CELF2: variants seen among roughly 807,000 people sequenced by gnomAD.
The protein encoded by CELF2 is CUG triplet repeat RNA-binding protein 2.
Under a neutral mutation model 62.6 loss-of-function variants are expected in CELF2, and 8 were observed. The ratio of observed to expected loss-of-function variants is 0.13; its 90% CI spans 0.07 to 0.23. The LOEUF (loss-of-function observed/expected upper bound fraction) is 0.23. Ranked by LOEUF, CELF2 falls within the 10% of genes least tolerant of loss-of-function variation. The pLI is 1.00. For synonymous variants in CELF2, 258 were observed against 250.0 expected (o/e 1.03, Z -0.30); for missense variants, 333 against 671.0 (o/e 0.50, Z 5.56).
At chr10:10,693,471 C>T in the CELF2 span, among the ~76,000 whole-genome samples, 29 of 151,042 alleles carry the variant, frequency 1.9e-4, no homozygotes, top group African/African-American at 6.3e-4. Context: ...CTAAAATTCT[C>T]TTTTTTTGGC....
At position 11,132,145 on chromosome 10, in the gene CELF2, C is replaced by T. The variant is rs549689778; in HGVS notation, c.75-33341C>T. 1.4e-4 allele frequency among the ~76,000 whole-genome samples: 21 copies of T among 152,288 alleles called. 2 individuals are homozygous for T. In the South Asian group the frequency reaches 3.7e-3, roughly 27 times the overall value. ...AGGTCCCTTACTTCCTTCCCTTATG[C>T]GTTGTTTGTAACAATTTTGCTGCCA... On this transcript the variant is annotated intron_variant, in intron 1 of 12. Transcript: ENST00000633077.
chr10:10,890,396 T>G (rs1238693497), intron 1 of CELF2, among the ~76,000 whole-genome samples: 7 of 152,152 alleles, frequency 4.6e-5, no homozygotes, highest in East Asian at 1.9e-4. Flanking sequence ...CTAGACCACC[T>G]TACAAAATGT....
chr10:10,569,125 T>C, the CELF2 span, among the ~76,000 whole-genome samples: 1 of 152,158 alleles, frequency 6.6e-6, no homozygotes, highest in Admixed American at 6.6e-5. Flanking sequence ...CAGGCATTGA[T>C]GACTGAGAAT....
chr10:11,101,671 C>G (rs927295111), intron 1 of CELF2, among the ~76,000 whole-genome samples: 30 of 152,344 alleles, frequency 2.0e-4, no homozygotes, highest in African/African-American at 7.2e-4. Context: ...AGGATCCACC[C>G]TTAATAACTG....
intron 8 of CELF2, among the ~76,000 whole-genome samples, chr10:11,281,580 A>C (rs1358113770): frequency 6.6e-6 from 1 of 152,172 alleles, no homozygotes; most frequent in African/African-American, 2.4e-5. Flanking sequence ...TGAGCAACAC[A>C]GCAAAACCCC....
chr10:10,583,518 G>A, the CELF2 span, among the ~76,000 whole-genome samples: 1 of 152,288 alleles, frequency 6.6e-6, no homozygotes, highest in East Asian at 1.9e-4. Flanking sequence ...TCTAGGGTTA[G>A]CCTGAAGTTG....
intron 1 of CELF2, among the ~76,000 whole-genome samples, chr10:10,802,074 G>C (rs746386533): frequency 2.0e-5 from 3 of 152,136 alleles, no homozygotes; most frequent in Non-Finnish European, 2.9e-5. Context: ...TCCTCGGAAA[G>C]TACAAACACT....
At chr10:10,913,891 A>AAGGAAGGAAGAAGGG (rs2064075846) in intron 1 of CELF2, among the ~76,000 whole-genome samples, 1 of 102,770 alleles carries the variant, frequency 9.7e-6, no homozygotes, top group South Asian at 4.0e-4. Context: ...AGGAAGAAGG[A>AAGGAAGGAAGAAGGG]AGGGAGGGAG....
intron 1 of CELF2, among the ~76,000 whole-genome samples, chr10:10,883,402 T>G (rs1384065896): frequency 1.3e-5 from 2 of 152,146 alleles, no homozygotes; most frequent in Non-Finnish European, 2.9e-5. Flanking sequence ...ATAAGGAAAA[T>G]AATGTTTTAT....
intron 1 of CELF2, among the ~76,000 whole-genome samples, chr10:11,139,289 A>G (rs890150835): frequency 3.3e-5 from 5 of 152,258 alleles, no homozygotes; most frequent in Non-Finnish European, 7.3e-5. Flanking sequence ...TACATAGTGC[A>G]TGAATCATCA....
chr10:10,870,629 G>A (rs927328051), intron 1 of CELF2, among the ~76,000 whole-genome samples: 1 of 152,160 alleles, frequency 6.6e-6, no homozygotes, highest in Non-Finnish European at 1.5e-5. Flanking sequence ...GACCAAAAAT[G>A]GGAAGCAGAA....
rs146310899 is a variant in CELF2, at chr10:11,102,255, AG to A, written c.75-63229del. On this transcript the variant is annotated intron_variant, in intron 1 of 12. Transcript: ENST00000633077. ...CTTCCTTCCAGTCCATGGCAAAAAT[AG>A]GACTTCAGTGGATTTCAAGATACTT... is the stretch of plus-strand genomic sequence containing the variant. 1.6e-3 allele frequency: 244 copies of A among 152,368 alleles called. 1 individual carries two copies. The highest frequency in any genetic ancestry group is 5.4e-3 in the African/African-American group (225 of 41,592). 9.4% of individuals were successfully genotyped at this position (152,368 alleles called of 1,614,324 possible).
intron 1 of CELF2, among the ~76,000 whole-genome samples, chr10:10,847,233 T>A (rs541848239): frequency 5.9e-5 from 9 of 152,220 alleles, no homozygotes; most frequent in African/African-American, 1.4e-4. Flanking sequence ...CACACATCTA[T>A]AAACAAAAGT....
At chr10:10,916,665 T>G (rs189706112) in intron 1 of CELF2, among the ~76,000 whole-genome samples, 1 of 152,286 alleles carries the variant, frequency 6.6e-6, no homozygotes, top group African/African-American at 2.4e-5. Flanking sequence ...CGGAGTGGAG[T>G]GCAGTGGCGT....
intron 1 of CELF2, among the ~76,000 whole-genome samples, chr10:11,142,140 A>G (rs576373062): frequency 2.6e-5 from 4 of 152,250 alleles, no homozygotes; most frequent in Admixed American, 1.3e-4. Flanking sequence ...GATGGCTTAC[A>G]TAGATGACAA....
At chr10:11,199,838 G>C (rs915872592) in intron 2 of CELF2, among the ~76,000 whole-genome samples, 1 of 152,190 alleles carries the variant, frequency 6.6e-6, no homozygotes, top group Non-Finnish European at 1.5e-5. Context: ...AGACTAATAA[G>C]ATAAAACCAG....
At chr10:11,282,085 C>T (rs1263733980) in intron 8 of CELF2, among the ~76,000 whole-genome samples, 1 of 152,192 alleles carries the variant, frequency 6.6e-6, no homozygotes, top group Non-Finnish European at 1.5e-5. Context: ...CTTCTGGGCC[C>T]CTGTCACATT....
the CELF2 span, among the ~76,000 whole-genome samples, chr10:10,662,419 C>T: frequency 5.9e-3 from 893 of 152,244 alleles, 3 homozygotes; most frequent in Non-Finnish European, 8.3e-3. Flanking sequence ...TGAACGTCTG[C>T]CTGGTGACTT....
chr10:11,013,472 G>A (rs902888341), upstream of CELF2, among the ~76,000 whole-genome samples: 2 of 152,166 alleles, frequency 1.3e-5, no homozygotes, highest in African/African-American at 4.8e-5. The surrounding 1 kb of genome is among the most constrained non-coding windows in gnomAD (Gnocchi z 4.1). Flanking sequence ...GAGAAGGTAT[G>A]TATCCAAGGA....
Sources: gnomAD v4.1 joint callset for allele counts (sites outside exome capture counted in the v4.1 genomes callset) on GRCh38, gnomAD v4.1.1 for gene constraint, Gnocchi (gnomAD v3.1) non-coding constraint, MANE v1.5 for transcripts, NCBI Gene and HGNC (gene_info 2026-07-23, HGNC 2026-07-21) for gene names.